Variants in EMC3 observed in about 807,000 individuals in gnomAD.
EMC3 encodes ER membrane protein complex subunit 3.
Under a neutral mutation model 36.6 loss-of-function variants are expected in EMC3, and 13 were observed. That is an observed-to-expected ratio of 0.35 (90% CI 0.23 to 0.56). The LOEUF (loss-of-function observed/expected upper bound fraction) is 0.56. Among genes scored for constraint, EMC3 ranks in the 20% least tolerant of loss-of-function variants. The probability of loss-of-function intolerance (pLI) is 0.84; values close to 1 mark genes in which losing one functional copy is unlikely to be tolerated. For synonymous variants in EMC3, 120 were observed against 111.9 expected, an observed-to-expected ratio of 1.07 and a Z score of -0.46; for missense variants, 220 against 324.5, an observed-to-expected ratio of 0.68 and a Z score of 2.47.
chr3:9,977,797 G>C (rs998073417), intron 1 of EMC3, among the ~76,000 whole-genome samples: 5 of 152,050 alleles, frequency 3.3e-5, no homozygotes, highest in African/African-American at 4.8e-5. Context: ...AGGAGATCTG[G>C]GGTCAGGAGA....
At chr3:9,968,429 T>G (rs978254972) in intron 7 of EMC3, among the ~76,000 whole-genome samples, 1 of 152,262 alleles carries the variant, frequency 6.6e-6, no homozygotes, top group Non-Finnish European at 1.5e-5. Context: ...CAAACAGAGA[T>G]AGTTTTACTT....
At chr3:9,964,669 G>A (rs1034281932) in intron 7 of EMC3, among the ~76,000 whole-genome samples, 2 of 152,326 alleles carry the variant, frequency 1.3e-5, no homozygotes, top group Non-Finnish European at 1.5e-5. Flanking sequence ...AAATGGCCCA[G>A]GGTATCTTCA....
chr3:9,997,924 T>A (rs1167582029), intron 1 of EMC3, among the ~76,000 whole-genome samples: 1 of 152,170 alleles, frequency 6.6e-6, no homozygotes, highest in East Asian at 1.9e-4. Context: ...AAGAGTGGAA[T>A]TGCTGGATCA....
At chr3:9,999,924 T>G (rs1246589960) in intron 1 of EMC3, among the ~76,000 whole-genome samples, 1 of 152,232 alleles carries the variant, frequency 6.6e-6, no homozygotes, top group Admixed American at 6.5e-5. Context: ...TCTTGCTTGG[T>G]TCTAAGACAG....
chr3:9,983,205 T>A (rs1328393259), intron 1 of EMC3, among the ~76,000 whole-genome samples: 1 of 151,790 alleles, frequency 6.6e-6, no homozygotes, highest in Non-Finnish European at 1.5e-5. Context: ...TGAAGTGCAG[T>A]GCAGCCATCT....
Position 9,963,995 on chromosome 3 carries a change from G to A in EMC3, c.*74C>T, listed in dbSNP as rs1575670147. ...TGCATCCTCCTTTTTATTTCAAGAG[G>A]TGCCAGCTCCAAACAAAGTTACAAG... is the stretch of plus-strand genomic sequence containing the variant. On this transcript the variant is annotated 3_prime_UTR_variant, in exon 8 of 8. Coordinates refer to ENST00000245046, the MANE Select transcript of EMC3 (RefSeq NM_001394674.1). 4.4e-6 allele frequency: 7 copies of A among 1,580,730 alleles called. No homozygotes were observed. The highest frequency in any genetic ancestry group is 1.8e-5 in the Admixed American group (1 of 56,082).
chr3:9,973,550 C>CA, intron 5 of EMC3, 78 bp downstream of exon 5: 21 of 1,349,288 alleles, frequency 1.6e-5, no homozygotes, highest in Non-Finnish European at 2.2e-5. Flanking sequence ...GTCTCAAACT[C>CA]ATGGGCTCAA....
chr3:9,977,069 A>C lies in EMC3; in HGVS notation c.214-19T>G. 1 of 1,456,154 alleles carries C rather than the reference A, an allele frequency of 6.9e-7. No individual in the cohort carries two copies. Among genetic ancestry groups the C allele is most frequent in the South Asian group, 1.2e-5 (1 of 83,908 alleles). The allele number at this position is 1,456,154 out of a possible 1,614,324, so 90.2% of individuals were successfully genotyped here. Reference sequence around the variant, plus strand: ...AGAAAGACTAGTAAAAAAAAAAAAAAGTGTTTTAAGTCTAAGAACTATGAC... The same window carrying C: ...AGAAAGACTAGTAAAAAAAAAAAAACGTGTTTTAAGTCTAAGAACTATGAC... On this transcript the variant is annotated intron_variant, in intron 2 of 7. Coordinates refer to ENST00000245046, the MANE Select transcript of EMC3 (RefSeq NM_001394674.1).
At chr3:10,007,038 A>T (rs577501550) in intron 1 of EMC3, 262 of 295,060 alleles carry the variant, frequency 8.9e-4, no homozygotes, top group Non-Finnish European at 1.6e-3. Flanking sequence ...AATGGGTCAC[A>T]GACACTCTGC....
chr3:9,987,916 AG>A (rs1044178861), upstream of EMC3: 1 of 1,021,466 alleles, frequency 9.8e-7, no homozygotes, highest in African/African-American at 1.6e-5. Context: ...GTAATCTCTG[AG>A]CTTCGGGAGA....
intron 1 of EMC3, among the ~76,000 whole-genome samples, chr3:9,984,785 G>A (rs1233606911): frequency 2.0e-5 from 3 of 152,200 alleles, no homozygotes; most frequent in Admixed American, 2.0e-4. Flanking sequence ...GATCGCTGTA[G>A]TATAGTGGAA....
chr3:9,989,657 T>A (rs1293204068), upstream of EMC3, among the ~76,000 whole-genome samples: 1 of 152,224 alleles, frequency 6.6e-6, no homozygotes, highest in African/African-American at 2.4e-5. Context: ...CTTTTTGTGG[T>A]GAGAAATATC....
In EMC3 at chr3:9,970,762, A is replaced by G. The variant is rs2085777094; in HGVS notation, c.495-101T>C. 3 of 1,169,056 alleles carry G rather than the reference A, an allele frequency of 2.6e-6. No homozygotes were observed. In the Admixed American group the frequency reaches 5.6e-5, roughly 22 times the overall value. 72.4% of individuals were successfully genotyped at this position (1,169,056 alleles called of 1,614,324 possible). ...CAAAGTTGTTCAGTGTTTGTAAAGA[A>G]GTCACCTTGGATGGGCTATATTCAT... On this transcript the variant is annotated intron_variant, in intron 5 of 7. Transcript: ENST00000245046.
chr3:10,010,493 C>A (rs574129106), intron 1 of EMC3: 1 of 152,720 alleles, frequency 6.5e-6, no homozygotes, highest in African/African-American at 2.4e-5. Flanking sequence ...TCCCTGAGCA[C>A]CCCATCTGCA....
chr3:9,975,865 G>C (rs2085844079), intron 3 of EMC3, among the ~76,000 whole-genome samples: 1 of 150,712 alleles, frequency 6.6e-6, no homozygotes, highest in South Asian at 2.1e-4. Flanking sequence ...ATATTCCATG[G>C]ATTATTAGTG....
chr3:9,997,869 A>G lies in EMC3; in HGVS notation c.-241-10967T>C, dbSNP rs117016926. Among the ~76,000 whole-genome samples, 88 of 152,172 alleles carry G rather than the reference A, an allele frequency of 5.8e-4. 3 individuals carry two copies. The East Asian group carries it at 0.017, about 29-fold the overall frequency. ...ATAATGTTGCTATGAGTATTGGTTTACAAATATTTGTTTGAGTCCCTGTTT... is the reference window on the plus strand; with the variant it reads ...ATAATGTTGCTATGAGTATTGGTTTGCAAATATTTGTTTGAGTCCCTGTTT... On this transcript the variant is annotated intron_variant, in intron 1 of 8. Coordinates refer to the EMC3 transcript ENST00000470827.
intron 1 of EMC3, among the ~76,000 whole-genome samples, chr3:9,995,299 A>G (rs947002750): frequency 1.3e-5 from 2 of 151,882 alleles, no homozygotes; most frequent in African/African-American, 2.4e-5. Flanking sequence ...AGGAATTTCA[A>G]CTGATCTTGT....
chr3:9,985,779 A>C (rs2085963958), intron 1 of EMC3, among the ~76,000 whole-genome samples: 1 of 152,134 alleles, frequency 6.6e-6, no homozygotes, highest in Non-Finnish European at 1.5e-5. Context: ...CTGTAATCCC[A>C]GCTACTCGGG....
At chr3:9,984,642 C>A (rs1175420844) in intron 1 of EMC3, among the ~76,000 whole-genome samples, 1 of 152,194 alleles carries the variant, frequency 6.6e-6, no homozygotes, top group South Asian at 2.1e-4. Flanking sequence ...CCGTCCGCCT[C>A]GGCCTCCCAA....
Sources: gnomAD v4.1 joint callset for allele counts (sites outside exome capture counted in the v4.1 genomes callset) on GRCh38, gnomAD v4.1.1 for gene constraint, MANE v1.5 for transcripts, NCBI Gene and HGNC (gene_info 2026-07-23, HGNC 2026-07-21) for gene names.